GLT8D1: variants seen among roughly 807,000 people sequenced by gnomAD.
GLT8D1 encodes glycosyltransferase 8 domain containing 1.
GLT8D1 carries 41 observed loss-of-function variants against 46.2 expected under a neutral mutation model. That is an observed-to-expected ratio of 0.89 (90% confidence interval 0.69 to 1.15). The LOEUF (loss-of-function observed/expected upper bound fraction) is 1.15. Among genes scored for constraint, GLT8D1 ranks in the 50% most tolerant of loss-of-function variants. The pLI, the probability that GLT8D1 is intolerant of heterozygous loss-of-function variation, is 0.00. For missense variants in GLT8D1, 408 were observed against 449.3 expected (o/e 0.91, Z 0.83); for synonymous variants, 150 against 154.2 (o/e 0.97, Z 0.20).
At chr3:52,696,119 A>T in intron 6 of GLT8D1, 79 bp from the exon 7 acceptor site, 1 of 1,158,610 alleles carries the variant, frequency 8.6e-7, no homozygotes, top group Non-Finnish European at 1.3e-6. Context: ...CCCTATGGTG[A>T]CCTTTTATAG....
intron 1 of GLT8D1, among the ~76,000 whole-genome samples, chr3:52,702,712 A>C (rs561807227): frequency 2.4e-4 from 36 of 151,930 alleles, no homozygotes; most frequent in Non-Finnish European, 4.7e-4. Flanking sequence ...CCCCATATCT[A>C]AAAAAAATTT....
chr3:52,696,113 A>G lies in GLT8D1; in HGVS notation c.533-73T>C, dbSNP rs771996544. 2.5e-4 allele frequency: 297 copies of G among 1,165,886 alleles called. 1 individual carries two copies. Among genetic ancestry groups the G allele is most frequent in the Non-Finnish European group, 2.5e-4 (194 of 775,154 alleles). 72.2% of individuals were successfully genotyped at this position (1,165,886 alleles called of 1,614,324 possible). A position where few individuals can be genotyped will look rare whatever the true frequency, so the allele number is the denominator to read the frequency against. On this transcript the variant is annotated intron_variant, in intron 6 of 9. Coordinates refer to ENST00000266014, the MANE Select transcript of GLT8D1 (RefSeq NM_018446.4). ...TTCCCTGTTACTCCCACTTCTCCCT[A>G]TGGTGACCTTTTATAGAAGACCATA...
rs759485805 is a variant in GLT8D1 at position 52,695,243 on chromosome 3, A to G, written c.872T>C (p.Val291Ala). ...GATGGTAGAGTGCTGTTGATAAAAT[A>G]CGATAAGCAGAGGAGGTGTTGTGAT... ...GSITTPPLLI[V>A]FYQQHSTIDP... The change falls in exon 9 of 10, where the codon GTA becomes GCA. Residue 291 changes from valine to alanine, a missense_variant. By Grantham distance (64) the Val-to-Ala change is moderately conservative. Transcript: ENST00000266014. 1 of 1,614,032 alleles carries G rather than the reference A, an allele frequency of 6.2e-7. No homozygotes were observed. The highest frequency in any genetic ancestry group is 8.5e-7 in the Non-Finnish European group (1 of 1,179,952).
At chr3:52,705,219 C>T (rs1335919988) in intron 1 of GLT8D1, 1 of 152,204 alleles carries the variant, frequency 6.6e-6, no homozygotes, top group Non-Finnish European at 1.5e-5. Context: ...GCTGAGTGAA[C>T]CTTTGGCTGG....
At chr3:52,697,691 T>C in intron 4 of GLT8D1, 30 bp downstream of exon 4, 1 of 1,467,660 alleles carries the variant, frequency 6.8e-7, no homozygotes, top group South Asian at 1.1e-5. Context: ...AATCATCCTC[T>C]AGAAGCAGAA....
In GLT8D1 at chr3:52,696,543, G is replaced by A. The variant is rs140309601; in HGVS notation, c.446C>T (p.Pro149Leu). Residue 149 changes from proline to leucine, a missense_variant and splice_region_variant, in exon 5 of 10, where the codon CCT becomes CTT. Pro to Leu is a moderately conservative substitution (Grantham distance 98, BLOSUM62 -3). Transcript: ENST00000266014. ...CAAAGAAGGATGCATGGAACTCACA[G>A]GTTTCATGGATTCCCCCTGGTCAGG... ...EDPDQGESMK[P>L]LTFARFYLPI... The A allele has an allele frequency of 9.4e-6, 14 of 1,490,308 alleles. No homozygotes were observed. The highest frequency in any genetic ancestry group is 1.3e-5 in the Non-Finnish European group (14 of 1,067,428). 92.3% of individuals were successfully genotyped at this position (1,490,308 alleles called of 1,614,324 possible). A position where few individuals can be genotyped will look rare whatever the true frequency, so the allele number is the denominator to read the frequency against.
At chr3:52,700,998 G>C (rs1047041463) in intron 1 of GLT8D1, among the ~76,000 whole-genome samples, 1 of 152,284 alleles carries the variant, frequency 6.6e-6, no homozygotes, top group South Asian at 2.1e-4. Flanking sequence ...CTGGGCAACA[G>C]AGGTTGCAGT....
chr3:52,701,374 TTTA>T (rs762753137), intron 1 of GLT8D1: 1 of 151,684 alleles, frequency 6.6e-6, no homozygotes, highest in East Asian at 1.9e-4. Context: ...TTTATTTTAG[TTTA>T]TTATTTTTTG....
chr3:52,698,144 C>T (rs1190407543), intron 3 of GLT8D1, among the ~76,000 whole-genome samples: 1 of 152,138 alleles, frequency 6.6e-6, no homozygotes, highest in East Asian at 1.9e-4. Context: ...ACTGACAGCA[C>T]TTTGGTACAC....
intron 3 of GLT8D1, among the ~76,000 whole-genome samples, chr3:52,699,402 A>G (rs1428137617): frequency 6.6e-6 from 1 of 151,944 alleles, no homozygotes; most frequent in Non-Finnish European, 1.5e-5. Context: ...CTCCTGCCTC[A>G]GCCTCCCGAG....
intron 1 of GLT8D1, among the ~76,000 whole-genome samples, chr3:52,704,458 C>CAAA (rs60851820): frequency 2.0e-3 from 108 of 53,488 alleles, no homozygotes; most frequent in South Asian, 4.1e-3. Flanking sequence ...GTCTTCGCCT[C>CAAA]AAAAAAAAAA....
At chr3:52,702,658 G>A (rs1433947161) in intron 1 of GLT8D1, among the ~76,000 whole-genome samples, 1 of 152,036 alleles carries the variant, frequency 6.6e-6, no homozygotes, top group African/African-American at 2.4e-5. Flanking sequence ...CTGAGCCCAG[G>A]AGTTCCAGAC....
chr3:52,701,725 C>T (rs2097339587), intron 1 of GLT8D1, among the ~76,000 whole-genome samples: 2 of 152,220 alleles, frequency 1.3e-5, no homozygotes, highest in South Asian at 4.1e-4. Context: ...CTATTCATCT[C>T]TTAAGAAGGT....
In GLT8D1 at chr3:52,694,713, C is replaced by G. The variant is rs2097331030; in HGVS notation, c.*132G>C. 2 of 716,830 alleles carry G rather than the reference C, an allele frequency of 2.8e-6. No individual in the cohort carries two copies. The highest frequency in any genetic ancestry group is 3.0e-5 in the South Asian group (2 of 66,306). The allele number at this position is 716,830 out of a possible 1,614,324, so 44.4% of individuals were successfully genotyped here. ...ACTGCCAGACAGGGCAGTTTGTCAT[C>G]TTTACCTAGCTGACACATCTTTTTC... On this transcript the variant is annotated 3_prime_UTR_variant, in exon 10 of 10. Transcript: ENST00000266014.
In GLT8D1 at chr3:52,695,554, C is replaced by A. The variant is rs1327892265; in HGVS notation, c.679G>T (p.Glu227Ter). Reference protein sequence around the residue: ...NYIGYLDYKKERIRKLSMKAS... With the variant: ...NYIGYLDYKK ...TTCATGGAAAGCTTACGAATTCTTT[C>A]CTTTTTATAGTCAAGATAGCCAATG... Residue 227 changes from glutamate to a stop codon, truncating the protein, a stop_gained, in exon 8 of 10, where the codon GAA (glutamate) becomes TAA (stop). Coordinates refer to ENST00000266014, the MANE Select transcript of GLT8D1 (RefSeq NM_018446.4). LOFTEE classifies it high-confidence loss of function. 1.2e-6 allele frequency: 2 copies of A among 1,609,590 alleles called. No homozygotes were observed. The highest frequency in any genetic ancestry group is 2.7e-5 in the African/African-American group (2 of 74,826).
chr3:52,697,525 C>G, intron 4 of GLT8D1, 196 bp downstream of exon 4: 1 of 581,326 alleles, frequency 1.7e-6, no homozygotes, highest in Non-Finnish European at 3.1e-6. Flanking sequence ...GCATGAGCTC[C>G]TTGTATCACT....
Position 52,700,312 on chromosome 3 carries a change from A to G in GLT8D1, c.65T>C (p.Leu22Ser). 3.7e-6 allele frequency: 6 copies of G among 1,613,886 alleles called. No homozygotes were observed. The highest frequency in any genetic ancestry group is 1.6e-4 in the Middle Eastern group (1 of 6,062). The change falls in exon 3 of 10, where the codon TTG becomes TCG. Residue 22 changes from leucine (L) to serine (S), a missense_variant. Transcript: ENST00000266014. ...VLAVALFLLV[L>S]HHNFLSLSSL... ...GCTCAAGCTGAGGAAGTTATGGTGCAAAACCAGTAAGAAGAGAGCAACAGC... is the reference window on the plus strand; with the variant it reads ...GCTCAAGCTGAGGAAGTTATGGTGCGAAACCAGTAAGAAGAGAGCAACAGC...
rs565110212 is a variant in GLT8D1 at position 52,696,486 on chromosome 3, G to C, written c.447+56C>G. ...CTTGCACTATACCCACAGATACCCA[G>C]GTATTCCATTATTTCCTAATACTGC... On this transcript the variant is annotated intron_variant, in intron 5 of 9. Coordinates refer to ENST00000266014, the MANE Select transcript of GLT8D1 (RefSeq NM_018446.4). The C allele has an allele frequency of 2.8e-6, 3 of 1,064,084 alleles. No homozygotes were observed. The Admixed American group carries it at 5.1e-5, about 18-fold the overall frequency. The allele number at this position is 1,064,084 out of a possible 1,614,324, so 65.9% of individuals were successfully genotyped here.
rs1014977518 is a variant in GLT8D1 at position 52,694,588 on chromosome 3, A to T, written c.*257T>A. 1.8e-5 allele frequency: 11 copies of T among 597,888 alleles called. No homozygotes were observed. Among genetic ancestry groups the T allele is most frequent in the Non-Finnish European group, 3.0e-5 (10 of 337,126 alleles). 37.0% of individuals were successfully genotyped at this position (597,888 alleles called of 1,614,324 possible). ...TCTGTACCAGCTAGCTGAACTAGCC[A>T]TATCAGTTCTTCTTTCCAGTCATTC... On this transcript the variant is annotated 3_prime_UTR_variant, in exon 10 of 10. Coordinates refer to ENST00000266014, the MANE Select transcript of GLT8D1 (RefSeq NM_018446.4).
Sources: allele counts gnomAD v4.1 joint callset (sites outside exome capture counted in the v4.1 genomes callset), GRCh38; gene constraint gnomAD v4.1.1; transcripts MANE v1.5; gene names NCBI Gene and HGNC (gene_info 2026-07-23, HGNC 2026-07-21).